Variants in LRP1B observed in about 807,000 individuals in gnomAD.
The protein encoded by LRP1B is low-density lipoprotein receptor-related protein 1B.
In LRP1B, 217 loss-of-function variants were observed where a neutral mutation model predicts 556.6. That is an observed-to-expected ratio of 0.39 (90% confidence interval 0.35 to 0.44). LRP1B has a LOEUF of 0.44. Ranked by LOEUF, LRP1B falls within the 20% of genes least tolerant of loss-of-function variation. The pLI is 1.00. For missense variants in LRP1B, 5,053 were observed against 5,620.8 expected (o/e 0.90, Z 3.23); for synonymous variants, 2,047 against 1,865.8 (o/e 1.10, Z -2.50).
intron 21 of LRP1B, among the ~76,000 whole-genome samples, chr2:140,909,251 G>A (rs998789307): frequency 6.6e-6 from 1 of 152,016 alleles, no homozygotes; most frequent in Non-Finnish European, 1.5e-5. Flanking sequence ...GTTATTGACT[G>A]ACTACATACC....
chr2:140,656,394 A>G (rs1324191651), intron 41 of LRP1B, among the ~76,000 whole-genome samples: 1 of 152,194 alleles, frequency 6.6e-6, no homozygotes, highest in East Asian at 1.9e-4. Context: ...GAAAATCACA[A>G]TGTATATTAT....
At chr2:141,480,632 A>G (rs988039978) in intron 2 of LRP1B, 99 bp from the exon 3 acceptor site, 1 of 1,193,600 alleles carries the variant, frequency 8.4e-7, no homozygotes. Context: ...ACAAAACAAA[A>G]CTATAGAAAA....
In LRP1B at chr2:141,316,454, C is replaced by T. The variant is rs148912117; in HGVS notation, c.344-61813G>A. 2.1e-3 allele frequency among the ~76,000 whole-genome samples: 320 copies of T among 152,170 alleles called. 1 individual carries two copies. The highest frequency in any genetic ancestry group is 7.3e-3 in the African/African-American group (303 of 41,500). On this transcript the variant is annotated intron_variant, in intron 3 of 90. Transcript: ENST00000389484. ...TGTATCACTTTAAAAGAGAACAGCACCTTTGAAGAAATATTGTGTAAATAA... is the reference window on the plus strand; with the variant it reads ...TGTATCACTTTAAAAGAGAACAGCATCTTTGAAGAAATATTGTGTAAATAA...
At chr2:141,715,550 C>T (rs1692553337) in intron 2 of LRP1B, among the ~76,000 whole-genome samples, 1 of 152,124 alleles carries the variant, frequency 6.6e-6, no homozygotes, top group African/African-American at 2.4e-5. Flanking sequence ...TGTGGTGGCT[C>T]ACACCTGTAA....
chr2:141,389,575 A>G (rs1689968310), intron 3 of LRP1B, among the ~76,000 whole-genome samples: 1 of 152,016 alleles, frequency 6.6e-6, no homozygotes. Context: ...ATTCTTAGAT[A>G]CGAGAACAAA....
At chr2:140,971,344 C>T (rs1419379482) in intron 18 of LRP1B, among the ~76,000 whole-genome samples, 1 of 152,128 alleles carries the variant, frequency 6.6e-6, no homozygotes, top group African/African-American at 2.4e-5. Context: ...AAAAAGCAAG[C>T]AAGGACTTTT....
chr2:141,941,498 T>C (rs1700802416), intron 1 of LRP1B, among the ~76,000 whole-genome samples: 1 of 152,170 alleles, frequency 6.6e-6, no homozygotes. Flanking sequence ...ACCTATTCCT[T>C]GTTGAAGGCT....
intron 3 of LRP1B, among the ~76,000 whole-genome samples, chr2:141,433,159 T>G (rs1680627900): frequency 6.6e-6 from 1 of 152,080 alleles, no homozygotes; most frequent in Admixed American, 6.5e-5. Context: ...TATTCAGGAG[T>G]GTATTTAATT....
chr2:141,957,835 T>G (rs1409656406), intron 1 of LRP1B, among the ~76,000 whole-genome samples: 1 of 152,076 alleles, frequency 6.6e-6, no homozygotes, highest in African/African-American at 2.4e-5. Context: ...GCACAGATCA[T>G]CTTTCACATG....
intron 29 of LRP1B, among the ~76,000 whole-genome samples, chr2:140,842,201 A>AT (rs1323321249): frequency 6.6e-6 from 1 of 152,166 alleles, no homozygotes; most frequent in Non-Finnish European, 1.5e-5. Flanking sequence ...AGAAAGCTAG[A>AT]TTTTTTAATG....
chr2:141,040,465 G>C (rs1363058509), intron 11 of LRP1B, among the ~76,000 whole-genome samples: 1 of 151,980 alleles, frequency 6.6e-6, no homozygotes, highest in Non-Finnish European at 1.5e-5. Flanking sequence ...GTGATTTAAA[G>C]GTGCAGAAAA....
intron 2 of LRP1B, among the ~76,000 whole-genome samples, chr2:141,600,074 G>T (rs1038542214): frequency 2.0e-5 from 3 of 152,032 alleles, no homozygotes; most frequent in Non-Finnish European, 4.4e-5. Flanking sequence ...CATTCAGTAC[G>T]CTGATCAACA....
intron 2 of LRP1B, among the ~76,000 whole-genome samples, chr2:141,597,858 T>C (rs1251981533): frequency 6.6e-6 from 1 of 152,048 alleles, no homozygotes; most frequent in Non-Finnish European, 1.5e-5. Context: ...GCTTTGTGGC[T>C]TTTTTCAATT....
chr2:142,059,204 G>A (rs866070988), intron 1 of LRP1B, among the ~76,000 whole-genome samples: 1 of 152,068 alleles, frequency 6.6e-6, no homozygotes, highest in Non-Finnish European at 1.5e-5. Flanking sequence ...TGATGGAAAT[G>A]TTCTGAAAGT....
chr2:140,430,021 C>T lies in LRP1B; in HGVS notation c.10414+12483G>A, dbSNP rs113793304. On this transcript the variant is annotated intron_variant, in intron 66 of 90. Transcript: ENST00000389484. ...TCCCTCATTATTCCTGATACCACAC[C>T]TGACCCCCATGACTGCGTCTCTCTG... 2.4e-3 allele frequency among the ~76,000 whole-genome samples: 370 copies of T among 152,288 alleles called. 2 individuals are homozygous for T. Among genetic ancestry groups the T allele is most frequent in the African/African-American group, 8.3e-3 (344 of 41,560 alleles).
At chr2:140,836,796 T>C (rs1294450442) in intron 31 of LRP1B, among the ~76,000 whole-genome samples, 1 of 152,166 alleles carries the variant, frequency 6.6e-6, no homozygotes, top group Non-Finnish European at 1.5e-5. Context: ...ACAACACAGC[T>C]TTTCATTACG....
intron 3 of LRP1B, among the ~76,000 whole-genome samples, chr2:141,275,860 T>C (rs889620713): frequency 3.3e-5 from 5 of 152,216 alleles, no homozygotes; most frequent in African/African-American, 1.2e-4. Flanking sequence ...ACCACTCATC[T>C]GTATGTTAAG....
At chr2:141,698,164 G>A (rs1574255621) in intron 2 of LRP1B, among the ~76,000 whole-genome samples, 1 of 151,918 alleles carries the variant, frequency 6.6e-6, no homozygotes, top group East Asian at 1.9e-4. Context: ...GGCGGTGGAG[G>A]GTGGCGAGGT....
chr2:140,281,760 C>G (rs540117513), intron 84 of LRP1B, among the ~76,000 whole-genome samples: 2 of 151,758 alleles, frequency 1.3e-5, no homozygotes, highest in East Asian at 3.9e-4. Flanking sequence ...AGTGCATATC[C>G]CCAGGCATTC....
Sources: allele counts gnomAD v4.1 joint callset (sites outside exome capture counted in the v4.1 genomes callset), GRCh38; gene constraint gnomAD v4.1.1; transcripts MANE v1.5; gene names NCBI Gene and HGNC (gene_info 2026-07-23, HGNC 2026-07-21).